LRTM2: variants seen among roughly 807,000 people sequenced by gnomAD.
The protein encoded by LRTM2 is leucine rich repeat transmembrane protein 2, also known as leucine-rich repeat and transmembrane domain-containing protein 2.
LRTM2 carries 18 observed loss-of-function variants against 28.1 expected under a neutral mutation model. That is an observed-to-expected ratio of 0.64 (90% CI 0.44 to 0.95). LRTM2 has a LOEUF of 0.95. Among genes scored for constraint, LRTM2 ranks in the 40% least tolerant of loss-of-function variants. LRTM2 has a pLI of 0.00. For missense variants in LRTM2, 436 were observed against 497.2 expected (o/e 0.88, Z 1.17); for synonymous variants, 250 against 218.7 (o/e 1.14, Z -1.26).
chr12:1,826,924 C>T (rs923563806), intron 1 of LRTM2, among the ~76,000 whole-genome samples: 1 of 152,216 alleles, frequency 6.6e-6, no homozygotes, highest in African/African-American at 2.4e-5. Context: ...CTGGGCCTGT[C>T]TTTTTCACTC....
intron 1 of LRTM2, among the ~76,000 whole-genome samples, chr12:1,822,759 G>T (rs2154446484): frequency 6.6e-6 from 1 of 152,212 alleles, no homozygotes; most frequent in East Asian, 1.9e-4. Context: ...GTGTGATGGG[G>T]GTGATGGGCA....
Position 1,831,521 on chromosome 12 carries a change from C to A in LRTM2, c.654C>A (p.Tyr218Ter). The A allele has an allele frequency of 6.2e-7, 1 of 1,611,182 alleles. No individual in the cohort carries two copies. Among genetic ancestry groups the A allele is most frequent in the Non-Finnish European group, 8.5e-7 (1 of 1,178,536 alleles). ...EFKHWMEWFS[Y>*]RGGRLDQLAC... ...AACACTGGATGGAGTGGTTCTCCTA[C>A]CGAGGTGAGCGCAGCCGGCCCTGCT... is the stretch of plus-strand genomic sequence containing the variant. The change falls in exon 4 of 5, where the codon TAC becomes TAA. Residue 218 changes from tyrosine to a stop codon, truncating the protein, a stop_gained. Transcript: ENST00000299194. LOFTEE classifies it high-confidence loss of function.
chr12:1,829,715 C>T lies in LRTM2; in HGVS notation c.68-1220C>T, dbSNP rs916246809. ...TCGGCCCACCCCGACCTGGGACAGC[C>T]AGGTCCCAGGTCCCATGTCAGGGTG... is the stretch of plus-strand genomic sequence containing the variant. On this transcript the variant is annotated intron_variant, in intron 3 of 4. Transcript: ENST00000299194. This position sits in a 1 kb window ranked among gnomAD's most constrained non-coding sequence, Gnocchi z 4.2. Among the ~76,000 whole-genome samples the T allele has an allele frequency of 2.0e-5, 3 of 148,736 alleles. No homozygotes were observed. The South Asian group carries it at 6.4e-4, about 32-fold the overall frequency.
Position 1,834,556 on chromosome 12 carries a change from C to T in LRTM2, c.948C>T (p.Val316=), listed in dbSNP as rs992105674. The change falls in exon 5 of 5, where the codon GTC becomes GTT. Residue 316 remains valine (V), a synonymous_variant. Transcript: ENST00000299194. This position sits in a 1 kb window ranked among gnomAD's most constrained non-coding sequence, Gnocchi z 7.6. ...TGGGCACGGTGATCATTGCAGGGGT[C>T]GTGTGCGGCGTCGTCTGCATCATGA... ...RAMGTVIIAG[V]VCGVVCIMMV... is the part of the protein sequence containing the mutation. The T allele has an allele frequency of 3.9e-5, 62 of 1,602,634 alleles. 1 individual carries two copies. In the East Asian group the frequency reaches 1.2e-3, roughly 31 times the overall value.
rs1001744792 is a variant in LRTM2 at position 1,828,397 on chromosome 12, C to T, written c.67+182C>T. Reference sequence around the variant, plus strand: ...GGGTCACGCCCACGGTGACAGCATCCCTGCCAGTCAGAGTCACCGCTGAGT... The same window carrying T: ...GGGTCACGCCCACGGTGACAGCATCTCTGCCAGTCAGAGTCACCGCTGAGT... On this transcript the variant is annotated intron_variant, in intron 3 of 4. Transcript: ENST00000299194. The surrounding 1 kb of genome is among the most constrained non-coding windows in gnomAD (Gnocchi z 4.2). Among the ~76,000 whole-genome samples, 1 of 152,222 alleles carries T rather than the reference C, an allele frequency of 6.6e-6. No individual in the cohort carries two copies. The highest frequency in any genetic ancestry group is 1.5e-5 in the Non-Finnish European group (1 of 68,034).
chr12:1,821,569 A>G (rs1236844097), intron 1 of LRTM2, among the ~76,000 whole-genome samples: 1 of 152,100 alleles, frequency 6.6e-6, no homozygotes, highest in African/African-American at 2.4e-5. Flanking sequence ...CCAGCCGTCC[A>G]TCTGCAAATG....
chr12:1,826,276 G>C (rs1318820547), intron 1 of LRTM2, among the ~76,000 whole-genome samples: 4 of 152,084 alleles, frequency 2.6e-5, no homozygotes, highest in African/African-American at 9.7e-5. Context: ...CCCTTCACTA[G>C]ATTGATCCTC....
rs1360165980 is a variant in LRTM2 at position 1,834,376 on chromosome 12, G to A, written c.768G>A (p.Glu256=). 1 of 1,613,204 alleles carries A rather than the reference G, an allele frequency of 6.2e-7. No homozygotes were observed. The highest frequency in any genetic ancestry group is 1.7e-5 in the Admixed American group (1 of 60,022). Residue 256 remains glutamate (E), a synonymous_variant, in exon 5 of 5, where the codon GAG becomes GAA. Transcript: ENST00000299194. The surrounding 1 kb of genome is among the most constrained non-coding windows in gnomAD (Gnocchi z 7.6). ...MFNYCSQLED[E]NSSAGLDIPG... is the part of the protein sequence containing the mutation. ...ACTACTGCTCCCAGCTGGAGGACGA[G>A]AATAGCTCAGCTGGGCTGGATATTC...
rs938409220 is a variant in LRTM2, at chr12:1,828,129, G to A, written c.-20G>A. On this transcript the variant is annotated 5_prime_UTR_variant, in exon 3 of 5. Transcript: ENST00000299194. This position sits in a 1 kb window ranked among gnomAD's most constrained non-coding sequence, Gnocchi z 4.2. ...CTCTCTCCCCAGAGCGACAGGGCCC[G>A]GAGAGCCGTGGGCCTCACCATGCTG... 83 of 1,523,196 alleles carry A rather than the reference G, an allele frequency of 5.4e-5. No individual in the cohort carries two copies. Among genetic ancestry groups the A allele is most frequent in the South Asian group, 7.4e-5 (6 of 80,860 alleles). 94.4% of individuals were successfully genotyped at this position (1,523,196 alleles called of 1,614,324 possible). A position where few individuals can be genotyped will look rare whatever the true frequency, so the allele number is the denominator to read the frequency against.
rs201504469 is a variant in LRTM2 at position 1,831,288 on chromosome 12, C to A, written c.421C>A (p.Leu141Met). 1 of 1,613,730 alleles carries A rather than the reference C, an allele frequency of 6.2e-7. No homozygotes were observed. The highest frequency in any genetic ancestry group is 8.5e-7 in the Non-Finnish European group (1 of 1,180,030). ...CAGGGACCTGCTGCGGCACTCGCCGCTGCTCCGCCACCTGGACCTGTCCAT... is the reference window on the plus strand; with the variant it reads ...CAGGGACCTGCTGCGGCACTCGCCGATGCTCCGCCACCTGGACCTGTCCAT... Reference protein sequence around the residue: ...LDRDLLRHSPLLRHLDLSING... With the variant: ...LDRDLLRHSPMLRHLDLSING... Residue 141 changes from leucine to methionine, a missense_variant, in exon 4 of 5, where the codon CTG becomes ATG. Leu to Met is a conservative substitution (Grantham distance 15). Transcript: ENST00000299194.
At position 1,834,294 on chromosome 12, in the gene LRTM2, C is replaced by A. The variant is rs749198285; in HGVS notation, c.686C>A (p.Thr229Asn). ...RGGRLDQLAC[T>N]LPKELRGKDM... The stretch of plus-strand genomic sequence containing the variant: ...GGACGCTTGGACCAGCTTGCCTGCA[C>A]CCTGCCCAAGGAGCTGAGGGGGAAG... The change falls in exon 5 of 5, where the codon ACC becomes AAC. Residue 229 changes from threonine to asparagine, a missense_variant. By Grantham distance (65) the Thr-to-Asn change is moderately conservative. Transcript: ENST00000299194. The surrounding 1 kb of genome is among the most constrained non-coding windows in gnomAD (Gnocchi z 7.6). 1.3e-6 allele frequency: 2 copies of A among 1,598,798 alleles called. No homozygotes were observed. Among genetic ancestry groups the A allele is most frequent in the Non-Finnish European group, 8.5e-7 (1 of 1,171,206 alleles).
Position 1,834,298 on chromosome 12 carries a change from G to C in LRTM2, c.690G>C (p.Leu230=). ...GCTTGGACCAGCTTGCCTGCACCCT[G>C]CCCAAGGAGCTGAGGGGGAAGGACA... ...GGRLDQLACT[L]PKELRGKDMR... Residue 230 remains leucine, a synonymous_variant, in exon 5 of 5, where the codon CTG becomes CTC. Transcript: ENST00000299194. The surrounding 1 kb of genome is among the most constrained non-coding windows in gnomAD (Gnocchi z 7.6). 1 of 1,601,510 alleles carries C rather than the reference G, an allele frequency of 6.2e-7. No individual in the cohort carries two copies. Among genetic ancestry groups the C allele is most frequent in the Non-Finnish European group, 8.5e-7 (1 of 1,172,760 alleles).
chr12:1,831,113 C>T lies in LRTM2; in HGVS notation c.246C>T (p.Ala82=). 1.2e-6 allele frequency: 2 copies of T among 1,614,020 alleles called. No homozygotes were observed. The highest frequency in any genetic ancestry group is 1.7e-6 in the Non-Finnish European group (2 of 1,180,050). Residue 82 remains alanine (A), a synonymous_variant, in exon 4 of 5, where the codon GCC becomes GCT. Coordinates refer to ENST00000299194, the MANE Select transcript of LRTM2 (RefSeq NM_001039029.3). ...TGCTCTTGAACAATAAGCTGAGTGC[C>T]CTGCCAAGCTGGGCTTTCGCCAACC... is the stretch of plus-strand genomic sequence containing the variant. ...TLLLLNNKLS[A]LPSWAFANLS...
At chr12:1,824,386 G>A (rs920452837) in intron 1 of LRTM2, among the ~76,000 whole-genome samples, 8 of 152,172 alleles carry the variant, frequency 5.3e-5, no homozygotes, top group African/African-American at 1.9e-4. Flanking sequence ...AGTTGCAATG[G>A]TCTACACTCA....
Position 1,833,823 on chromosome 12 carries a change from T to C in LRTM2, c.659-444T>C, listed in dbSNP as rs1028073730. Among the ~76,000 whole-genome samples, 1 of 152,152 alleles carries C rather than the reference T, an allele frequency of 6.6e-6. No homozygotes were observed. The highest frequency in any genetic ancestry group is 2.1e-4 in the South Asian group (1 of 4,826). ...AGATGCTGTGTTGAGAACGGTATCC[T>C]GGGCTCACAGACAGGTGATGAGCAG... On this transcript the variant is annotated intron_variant, in intron 4 of 4. Transcript: ENST00000299194. This position sits in a 1 kb window ranked among gnomAD's most constrained non-coding sequence, Gnocchi z 4.2.
intron 1 of LRTM2, among the ~76,000 whole-genome samples, chr12:1,823,709 G>C (rs1484854252): frequency 1.3e-5 from 2 of 152,238 alleles, no homozygotes; most frequent in African/African-American, 4.8e-5. Flanking sequence ...AGGCTGGGAA[G>C]AGGAGAACCT....
chr12:1,830,860 G>C (rs569110215), intron 3 of LRTM2, 75 bp from the exon 4 acceptor site: 6 of 1,262,572 alleles, frequency 4.8e-6, no homozygotes, highest in African/African-American at 4.5e-5. Flanking sequence ...TTATGAGCTA[G>C]AAAGGAGGGA....
At chr12:1,826,407 C>G (rs1037276791) in intron 1 of LRTM2, among the ~76,000 whole-genome samples, 4 of 59,482 alleles carry the variant, frequency 6.7e-5, no homozygotes, top group African/African-American at 4.7e-5. Context: ...AGAGCCCCCC[C>G]CCCCCCCCCG....
chr12:1,834,329 A>T lies in LRTM2; in HGVS notation c.721A>T (p.Met241Leu). ...PKELRGKDMRMVPMEMFNYCS... is the reference protein window; with the variant it reads ...PKELRGKDMRLVPMEMFNYCS... ...GGAGCTGAGGGGGAAGGACATGCGG[A>T]TGGTCCCCATGGAGATGTTCAACTA... The change falls in exon 5 of 5, where the codon ATG becomes TTG. Residue 241 changes from methionine to leucine, a missense_variant. Transcript: ENST00000299194. The surrounding 1 kb of genome is among the most constrained non-coding windows in gnomAD (Gnocchi z 7.6). 1.9e-6 allele frequency: 3 copies of T among 1,611,650 alleles called. No individual in the cohort carries two copies. Among genetic ancestry groups the T allele is most frequent in the Non-Finnish European group, 2.5e-6 (3 of 1,179,128 alleles).
Sources: gnomAD v4.1 joint callset for allele counts (sites outside exome capture counted in the v4.1 genomes callset) on GRCh38, gnomAD v4.1.1 for gene constraint, Gnocchi (gnomAD v3.1) non-coding constraint, MANE v1.5 for transcripts, NCBI Gene and HGNC (gene_info 2026-07-23, HGNC 2026-07-21) for gene names.